The following TANC2 variants were observed in gnomAD, a reference collection of about 807,000 sequenced individuals.
TANC2 encodes tetratricopeptide repeat, ankyrin repeat and coiled-coil containing 2, also known as protein TANC2.
In TANC2, 26 loss-of-function variants were observed where a neutral mutation model predicts 210.5. That is an observed-to-expected ratio of 0.12 (90% CI 0.09 to 0.17). The LOEUF is 0.17. Ranked by LOEUF, TANC2 falls within the 10% of genes least tolerant of loss-of-function variation. The pLI is 1.00. For missense variants in TANC2, 2,129 were observed against 2,608.9 expected (o/e 0.82, Z 4.01); for synonymous variants, 931 against 967.1 (o/e 0.96, Z 0.69).
intron 12 of TANC2, among the ~76,000 whole-genome samples, chr17:63,341,039 A>G (rs1310174511): frequency 6.6e-6 from 1 of 152,192 alleles, no homozygotes; most frequent in Non-Finnish European, 1.5e-5. Context: ...TACTCTTAAC[A>G]ATGTTTTGTT....
exon 26 of TANC2, chr17:63,415,604 A>G (rs1024446298): frequency 1.2e-6 from 2 of 1,613,618 alleles, no homozygotes; most frequent in East Asian, 2.2e-5. Context: ...TTTGGTGAGG[A>G]CTTGAAAACT....
chr17:63,085,719 T>C (rs953384645), intron 3 of TANC2, among the ~76,000 whole-genome samples: 2 of 152,136 alleles, frequency 1.3e-5, no homozygotes, highest in African/African-American at 2.4e-5. Context: ...ATTATACATA[T>C]ACACATAGCA....
intron 12 of TANC2, 71 bp downstream of exon 12, chr17:63,340,403 A>T: frequency 3.1e-6 from 4 of 1,298,210 alleles, no homozygotes; most frequent in Non-Finnish European, 4.3e-6. Context: ...CATACTATAA[A>T]AATGATTGAT....
chr17:63,098,877 C>A (rs1227617694), intron 3 of TANC2, among the ~76,000 whole-genome samples: 1 of 151,914 alleles, frequency 6.6e-6, no homozygotes, highest in South Asian at 2.1e-4. Flanking sequence ...AAAGTAAGAT[C>A]ATTTCTTTAT....
rs142089780 is a variant in TANC2 at position 63,329,042 on chromosome 17, C to T, written c.1575+9952C>T. Among the ~76,000 whole-genome samples, 44 of 152,258 alleles carry T rather than the reference C, an allele frequency of 2.9e-4. 1 individual carries two copies. In the East Asian group the frequency reaches 7.9e-3, roughly 27 times the overall value. The stretch of plus-strand genomic sequence containing the variant: ...TTTCGTCTTGTACTTGAATCCAAAA[C>T]AGTTTCTTGGAGCATACTGAATGCA... On this transcript the variant is annotated intron_variant, in intron 11 of 27. Coordinates refer to ENST00000689528, the Ensembl canonical transcript of TANC2.
At chr17:63,318,899 T>A in intron 10 of TANC2, 58 bp from the exon 11 acceptor site, 2 of 1,592,860 alleles carry the variant, frequency 1.3e-6, no homozygotes, top group Non-Finnish European at 1.7e-6. Context: ...AATTTAGCCA[T>A]TTTTCCTTAA....
At chr17:62,974,137 G>A (rs1598169707) in intron 1 of TANC2, among the ~76,000 whole-genome samples, 2 of 152,278 alleles carry the variant, frequency 1.3e-5, no homozygotes, top group South Asian at 4.1e-4. Context: ...TTTTTGAAGG[G>A]CTTCGCAGGG....
At chr17:63,415,099 C>T (rs2048818285) in intron 25 of TANC2, among the ~76,000 whole-genome samples, 1 of 152,092 alleles carries the variant, frequency 6.6e-6, no homozygotes, top group South Asian at 2.1e-4. Context: ...CCAGGTGGAG[C>T]GTCAGACCAA....
chr17:63,317,275 G>C (rs940594703), intron 10 of TANC2, among the ~76,000 whole-genome samples: 47 of 152,062 alleles, frequency 3.1e-4, no homozygotes, highest in African/African-American at 1.1e-3. Context: ...GCCTTGCTTG[G>C]CTGTCCTTCC....
intron 3 of TANC2, among the ~76,000 whole-genome samples, chr17:63,078,242 A>G (rs1240806862): frequency 3.3e-5 from 5 of 152,144 alleles, no homozygotes; most frequent in African/African-American, 1.2e-4. Context: ...AAACATTTTA[A>G]TATCTGCATA....
At chr17:63,326,389 A>G (rs2045647458) in intron 11 of TANC2, among the ~76,000 whole-genome samples, 1 of 152,186 alleles carries the variant, frequency 6.6e-6, no homozygotes, top group Admixed American at 6.5e-5. Context: ...GGATCTAAAT[A>G]TTTAAAAATG....
rs2034843798 is a variant in TANC2, at chr17:63,033,251, C to G, written c.67+23625C>G. Among the ~76,000 whole-genome samples the G allele has an allele frequency of 4.6e-5, 7 of 152,234 alleles. No individual in the cohort carries two copies. In the South Asian group the frequency reaches 1.5e-3, roughly 32 times the overall value. ...ATCATTGGCCATTGGTGATTGAGCTCAATCTCCAGTCCTTTTCCGTTCCCC... is the reference window on the plus strand; with the variant it reads ...ATCATTGGCCATTGGTGATTGAGCTGAATCTCCAGTCCTTTTCCGTTCCCC... On this transcript the variant is annotated intron_variant, in intron 2 of 27. Coordinates refer to ENST00000689528, the Ensembl canonical transcript of TANC2.
chr17:63,361,474 G>A (rs904769916), intron 14 of TANC2, among the ~76,000 whole-genome samples: 1 of 152,246 alleles, frequency 6.6e-6, no homozygotes, highest in African/African-American at 2.4e-5. Context: ...CAGCACAGGT[G>A]CCAGCTGCAT....
At chr17:63,004,835 T>C in intron 1 of TANC2, 1 of 315,294 alleles carries the variant, frequency 3.2e-6, no homozygotes, top group Admixed American at 3.8e-5. Context: ...AGGGCCTTTT[T>C]TGGCTTTGGC....
chr17:63,360,868 T>C (rs906683486), intron 14 of TANC2, among the ~76,000 whole-genome samples: 1 of 152,190 alleles, frequency 6.6e-6, no homozygotes, highest in African/African-American at 2.4e-5. Flanking sequence ...AATTTTTAGC[T>C]CTGACAGATA....
intron 8 of TANC2, among the ~76,000 whole-genome samples, chr17:63,263,731 G>A (rs2043438566): frequency 1.3e-5 from 2 of 152,216 alleles, no homozygotes; most frequent in Non-Finnish European, 2.9e-5. Context: ...TACCCAAACA[G>A]CCCTTGGTCC....
chr17:63,319,151 G>A lies in TANC2; in HGVS notation c.1575+61G>A, dbSNP rs181673556. On this transcript the variant is annotated intron_variant, in intron 11 of 27. Coordinates refer to ENST00000689528, the Ensembl canonical transcript of TANC2. ...TCCATTTTAATATCAAGGAAGCAAA[G>A]ATAGGGAGACCTTTGGCAAAGTGAA... 26 of 1,538,716 alleles carry A rather than the reference G, an allele frequency of 1.7e-5. No homozygotes were observed. In the African/African-American group the frequency reaches 3.6e-4, roughly 21 times the overall value.
intron 3 of TANC2, among the ~76,000 whole-genome samples, chr17:63,083,915 G>A (rs2144738778): frequency 6.6e-6 from 1 of 152,194 alleles, no homozygotes; most frequent in African/African-American, 2.4e-5. Flanking sequence ...GAGAATTTTT[G>A]CACGTACGTT....
intron 7 of TANC2, among the ~76,000 whole-genome samples, chr17:63,216,781 G>C (rs543660461): frequency 6.6e-6 from 1 of 152,310 alleles, no homozygotes; most frequent in Non-Finnish European, 1.5e-5. Context: ...AAAAACAGCA[G>C]AGTACAGATT....
Sources: allele counts gnomAD v4.1 joint callset (sites outside exome capture counted in the v4.1 genomes callset), GRCh38; gene constraint gnomAD v4.1.1; transcripts MANE v1.5; gene names NCBI Gene and HGNC (gene_info 2026-07-23, HGNC 2026-07-21).